The following SLC67A2 variants were observed in gnomAD, a reference collection of about 807,000 sequenced individuals.
The protein encoded by SLC67A2 is solute carrier family 67 member A2.
chr2:102,718,448 T>A, the SLC67A2 span: 2 of 1,614,120 alleles, frequency 1.2e-6, no homozygotes, highest in Non-Finnish European at 1.7e-6. Context: ...ACTATTCCCA[T>A]CACCACTAGA....
chr2:102,727,080 G>T, the SLC67A2 span: 1 of 1,280,424 alleles, frequency 7.8e-7, no homozygotes, highest in Non-Finnish European at 1.1e-6. Context: ...AAGATTCAGT[G>T]TCAGATCCTC....
chr2:102,723,656 C>A, the SLC67A2 span: 2 of 1,550,404 alleles, frequency 1.3e-6, no homozygotes, highest in South Asian at 2.2e-5. Context: ...GTAAATTGGT[C>A]AGTATGAATA....
At chr2:102,735,978 G>C in the SLC67A2 span, among the ~76,000 whole-genome samples, 1 of 152,114 alleles carries the variant, frequency 6.6e-6, no homozygotes, top group Non-Finnish European at 1.5e-5. Context: ...GAGAGCTCTA[G>C]TGAAAATGCA....
At chr2:102,730,204 C>T in the SLC67A2 span, among the ~76,000 whole-genome samples, 2 of 152,296 alleles carry the variant, frequency 1.3e-5, no homozygotes, top group African/African-American at 4.8e-5. Context: ...GCCACTGAAT[C>T]TGTGTTTCTT....
chr2:102,715,153 T>C, the SLC67A2 span, among the ~76,000 whole-genome samples: 1 of 152,192 alleles, frequency 6.6e-6, no homozygotes, highest in Non-Finnish European at 1.5e-5. Flanking sequence ...AGACTACTCC[T>C]TGGGCCTCCA....
chr2:102,726,787 A>T, the SLC67A2 span: 10 of 1,515,584 alleles, frequency 6.6e-6, no homozygotes, highest in Non-Finnish European at 7.9e-6. Context: ...GCAGTTTCAC[A>T]TATTGAGGTT....
chr2:102,718,455 TAG>T, the SLC67A2 span: 1 of 1,614,136 alleles, frequency 6.2e-7, no homozygotes, highest in Non-Finnish European at 8.5e-7. Context: ...CCATCACCAC[TAG>T]AGTGTCGCTT....
chr2:102,729,592 C>A, the SLC67A2 span, among the ~76,000 whole-genome samples: 2 of 152,166 alleles, frequency 1.3e-5, no homozygotes, highest in African/African-American at 4.8e-5. Flanking sequence ...CCTGTACAAT[C>A]TGATAACTCT....
the SLC67A2 span, among the ~76,000 whole-genome samples, chr2:102,722,858 G>C: frequency 6.6e-6 from 1 of 152,104 alleles, no homozygotes; most frequent in South Asian, 2.1e-4. Flanking sequence ...AAAGCAAAAA[G>C]TAACCTGCAC....
At chr2:102,729,004 A>T in the SLC67A2 span, among the ~76,000 whole-genome samples, 1 of 152,218 alleles carries the variant, frequency 6.6e-6, no homozygotes, top group South Asian at 2.1e-4. Flanking sequence ...ACATTTATTT[A>T]AAAACATTAG....
chr2:102,719,312 T>A, the SLC67A2 span: 2 of 1,178,092 alleles, frequency 1.7e-6, no homozygotes, highest in African/African-American at 1.5e-5. Flanking sequence ...CTAATCTATA[T>A]TTTGGTACTA....
At chr2:102,735,850 A>G in the SLC67A2 span, among the ~76,000 whole-genome samples, 26 of 150,550 alleles carry the variant, frequency 1.7e-4, 1 homozygote, top group African/African-American at 6.2e-4. Context: ...GCGCGCGCAC[A>G]CACACACACA....
At chr2:102,731,641 C>T in the SLC67A2 span, among the ~76,000 whole-genome samples, 5 of 152,038 alleles carry the variant, frequency 3.3e-5, no homozygotes, top group South Asian at 2.1e-4. Flanking sequence ...GTACATTTGT[C>T]GAGGGAAATA....
the SLC67A2 span, chr2:102,731,048 G>T: frequency 6.2e-7 from 1 of 1,613,814 alleles, no homozygotes; most frequent in Non-Finnish European, 8.5e-7. Context: ...GAAAAGAGTT[G>T]CAAAATGCCA....
At chr2:102,725,061 C>T in the SLC67A2 span, among the ~76,000 whole-genome samples, 1 of 152,124 alleles carries the variant, frequency 6.6e-6, no homozygotes, top group African/African-American at 2.4e-5. Context: ...AAGAGTATCC[C>T]GTGAACAACC....
the SLC67A2 span, among the ~76,000 whole-genome samples, chr2:102,734,826 G>T: frequency 4.6e-5 from 7 of 152,296 alleles, no homozygotes; most frequent in South Asian, 1.4e-3. Flanking sequence ...GAAAACATAT[G>T]ATAAATTGTG....
the SLC67A2 span, chr2:102,715,703 T>G: frequency 2.0e-5 from 3 of 152,098 alleles, no homozygotes; most frequent in Non-Finnish European, 4.4e-5. Context: ...TAAAATAAGA[T>G]TCCATAGAAT....
the SLC67A2 span, among the ~76,000 whole-genome samples, chr2:102,715,001 C>T: frequency 6.6e-6 from 1 of 152,138 alleles, no homozygotes; most frequent in Non-Finnish European, 1.5e-5. Context: ...TTTGAAATTC[C>T]TCAAAGCTGC....
chr2:102,718,302 A>T, the SLC67A2 span: 1 of 1,274,704 alleles, frequency 7.8e-7, no homozygotes, highest in Non-Finnish European at 1.1e-6. Flanking sequence ...AACAGCTCAC[A>T]CCCACCCGGA....
Sources: allele counts gnomAD v4.1 joint callset (sites outside exome capture counted in the v4.1 genomes callset), GRCh38; gene constraint gnomAD v4.1.1; transcripts MANE v1.5; gene names NCBI Gene and HGNC (gene_info 2026-07-23, HGNC 2026-07-21).